The following JAZF1 variants were observed in gnomAD, a reference collection of about 807,000 sequenced individuals.
JAZF1 encodes the protein juxtaposed with another zinc finger protein 1.
JAZF1 carries 8 observed loss-of-function variants against 26.4 expected under a neutral mutation model. The ratio of observed to expected loss-of-function variants is 0.30; its 90% confidence interval spans 0.18 to 0.55. The LOEUF is 0.55. Ranked by LOEUF, JAZF1 falls within the 20% of genes least tolerant of loss-of-function variation. The pLI, the probability that JAZF1 is intolerant of heterozygous loss-of-function variation, is 0.94. For missense variants in JAZF1, 199 were observed against 322.0 expected (o/e 0.62, Z 2.92); for synonymous variants, 126 against 122.3 (o/e 1.03, Z -0.20).
At chr7:28,178,785 C>T (rs1469308319) in intron 1 of JAZF1, among the ~76,000 whole-genome samples, 1 of 152,258 alleles carries the variant, frequency 6.6e-6, no homozygotes, top group Non-Finnish European at 1.5e-5. Flanking sequence ...CCCAGCTCTT[C>T]TGTCATACCT....
At chr7:28,015,088 C>G (rs1311018144) in intron 1 of JAZF1, among the ~76,000 whole-genome samples, 1 of 150,872 alleles carries the variant, frequency 6.6e-6, no homozygotes, top group Non-Finnish European at 1.5e-5. Flanking sequence ...GCAGTGCAAC[C>G]TACATTTTAA....
At chr7:27,951,427 C>G (rs1224017105) in intron 2 of JAZF1, among the ~76,000 whole-genome samples, 1 of 152,178 alleles carries the variant, frequency 6.6e-6, no homozygotes, top group Non-Finnish European at 1.5e-5. Context: ...TTTGCTGCCA[C>G]AGTGTACATG....
At chr7:27,892,774 C>T (rs933656360) in intron 3 of JAZF1, among the ~76,000 whole-genome samples, 5 of 152,126 alleles carry the variant, frequency 3.3e-5, no homozygotes, top group Admixed American at 3.3e-4. Context: ...ATGCCTAACA[C>T]AAATGAACTG....
chr7:28,153,914 C>T (rs1783144251), intron 1 of JAZF1, among the ~76,000 whole-genome samples: 2 of 152,270 alleles, frequency 1.3e-5, no homozygotes, highest in Non-Finnish European at 2.9e-5. Context: ...CCTCCACCTA[C>T]CTGCCCCTCT....
At chr7:27,959,642 G>A (rs1462719895) in intron 2 of JAZF1, among the ~76,000 whole-genome samples, 1 of 152,210 alleles carries the variant, frequency 6.6e-6, no homozygotes. Flanking sequence ...GCTCATGCCT[G>A]TAATCCCAGC....
chr7:27,853,082 G>A (rs958140177), intron 3 of JAZF1, among the ~76,000 whole-genome samples: 3 of 152,124 alleles, frequency 2.0e-5, no homozygotes, highest in African/African-American at 7.2e-5. Context: ...AGTCTTTGAC[G>A]TGGCATTTAC....
intron 2 of JAZF1, chr7:27,914,773 C>A (rs1395215095): frequency 2.1e-6 from 1 of 471,022 alleles, no homozygotes; most frequent in African/African-American, 2.0e-5. Flanking sequence ...TACAGTAGAT[C>A]GGTTCAGCCT....
chr7:28,056,401 G>A (rs751650778), intron 1 of JAZF1, among the ~76,000 whole-genome samples: 5 of 150,992 alleles, frequency 3.3e-5, no homozygotes, highest in Admixed American at 6.6e-5. Context: ...GCAACATCAC[G>A]TGGCAGCTTC....
intron 1 of JAZF1, among the ~76,000 whole-genome samples, chr7:28,047,560 T>C (rs1783518056): frequency 6.6e-6 from 1 of 152,302 alleles, no homozygotes; most frequent in Non-Finnish European, 1.5e-5. Context: ...TACATTTTTA[T>C]AGATTGTGAT....
intron 3 of JAZF1, among the ~76,000 whole-genome samples, chr7:27,861,190 C>T (rs939810361): frequency 6.6e-6 from 1 of 152,218 alleles, no homozygotes; most frequent in Non-Finnish European, 1.5e-5. Context: ...TGTCCTCCTC[C>T]TGGGAGACTC....
At chr7:28,082,160 G>A (rs1784147848) in intron 1 of JAZF1, among the ~76,000 whole-genome samples, 1 of 152,138 alleles carries the variant, frequency 6.6e-6, no homozygotes, top group African/African-American at 2.4e-5. Context: ...CCTTTAGACA[G>A]GTCCCTCTGA....
chr7:27,868,509 C>T (rs1783521306), intron 3 of JAZF1, among the ~76,000 whole-genome samples: 1 of 152,234 alleles, frequency 6.6e-6, no homozygotes, highest in African/African-American at 2.4e-5. Context: ...CTTGCTCCAG[C>T]CTGGCTGGTC....
intron 2 of JAZF1, among the ~76,000 whole-genome samples, chr7:27,915,751 C>T (rs1050583525): frequency 2.6e-5 from 4 of 152,138 alleles, no homozygotes; most frequent in African/African-American, 9.7e-5. Context: ...TAATGAAAAT[C>T]ATCCCACTGA....
intron 1 of JAZF1, among the ~76,000 whole-genome samples, chr7:28,104,819 A>G (rs917863432): frequency 6.6e-6 from 1 of 152,240 alleles, no homozygotes; most frequent in African/African-American, 2.4e-5. Flanking sequence ...GGAGATTAAA[A>G]GATTAAACGT....
chr7:27,882,307 G>GTT (rs75022299), intron 3 of JAZF1, among the ~76,000 whole-genome samples: 2 of 143,144 alleles, frequency 1.4e-5, no homozygotes, highest in African/African-American at 5.1e-5. Context: ...TAATTGGCTT[G>GTT]TTTTTTTTTT....
chr7:27,863,107 A>C (rs1346939093), intron 3 of JAZF1, among the ~76,000 whole-genome samples: 3 of 152,232 alleles, frequency 2.0e-5, no homozygotes, highest in African/African-American at 7.2e-5. Context: ...TGACATTTCC[A>C]ATTTAATGCT....
chr7:27,983,836 T>G (rs1362662160), intron 2 of JAZF1, among the ~76,000 whole-genome samples: 2 of 152,210 alleles, frequency 1.3e-5, no homozygotes, highest in African/African-American at 2.4e-5. Flanking sequence ...CAGAATTTCA[T>G]AGCCAGCCAA....
chr7:27,934,153 T>G (rs764283449), intron 2 of JAZF1, among the ~76,000 whole-genome samples: 5 of 152,190 alleles, frequency 3.3e-5, no homozygotes, highest in Non-Finnish European at 5.9e-5. Flanking sequence ...CATTTGTTAG[T>G]CAGGGTGCAC....
chr7:27,928,172 T>C (rs1784629260), intron 2 of JAZF1, among the ~76,000 whole-genome samples: 1 of 152,226 alleles, frequency 6.6e-6, no homozygotes, highest in Non-Finnish European at 1.5e-5. Flanking sequence ...CTTTTGGAAG[T>C]CTGGGCCTAT....
Sources: gnomAD v4.1 joint callset for allele counts (sites outside exome capture counted in the v4.1 genomes callset) on GRCh38, gnomAD v4.1.1 for gene constraint, MANE v1.5 for transcripts, NCBI Gene and HGNC (gene_info 2026-07-23, HGNC 2026-07-21) for gene names.